Variants in SORT1 observed in about 807,000 individuals in gnomAD.
SORT1 encodes sortilin 1, also known as sortilin.
Under a neutral mutation model 101.7 loss-of-function variants are expected in SORT1, and 39 were observed. The ratio of observed to expected loss-of-function variants is 0.38; its 90% CI spans 0.30 to 0.50. The LOEUF is 0.50. Ranked by LOEUF, SORT1 falls within the 20% of genes least tolerant of loss-of-function variation. SORT1 has a pLI of 0.90. For missense variants in SORT1, 878 were observed against 1,040.4 expected (o/e 0.84, Z 2.15); for synonymous variants, 396 against 393.7 (o/e 1.01, Z -0.07).
intron 15 of SORT1, among the ~76,000 whole-genome samples, chr1:109,319,927 A>T (rs1254823346): frequency 6.6e-6 from 1 of 151,732 alleles, no homozygotes. Context: ...AGGCTCAATA[A>T]TCATCAAATT....
chr1:109,336,460 G>C, intron 10 of SORT1, 114 bp from the exon 11 acceptor site: 1 of 695,324 alleles, frequency 1.4e-6, no homozygotes, highest in Non-Finnish European at 2.6e-6. Flanking sequence ...AGTCCGACAA[G>C]CTTGTAACAC....
chr1:109,350,920 G>C lies in SORT1; in HGVS notation c.782+9C>G. 1 of 1,595,064 alleles carries C rather than the reference G, an allele frequency of 6.3e-7. No individual in the cohort carries two copies. The highest frequency in any genetic ancestry group is 8.6e-7 in the Non-Finnish European group (1 of 1,162,586). ...GGGCTCTGCACAGATGGAGTCTTCT[G>C]TTACTCACCATTTGGCCAAACATAC... On this transcript the variant is annotated intron_variant, in intron 6 of 19. Transcript: ENST00000256637.
chr1:109,342,167 G>C lies in SORT1; in HGVS notation c.964-9C>G. ...ATCCTTCTTGTTGTATCCTAGAACA[G>C]ATGTCAATATTTATCTTTCTAATTT... On this transcript the variant is annotated splice_polypyrimidine_tract_variant and intron_variant, in intron 8 of 19. Transcript: ENST00000256637. 1 of 1,600,270 alleles carries C rather than the reference G, an allele frequency of 6.2e-7. No individual in the cohort carries two copies. The highest frequency in any genetic ancestry group is 8.5e-7 in the Non-Finnish European group (1 of 1,170,910).
intron 15 of SORT1, among the ~76,000 whole-genome samples, chr1:109,320,597 G>A (rs1179808382): frequency 6.6e-6 from 1 of 152,108 alleles, no homozygotes; most frequent in African/African-American, 2.4e-5. Flanking sequence ...ATTTGTCAAC[G>A]CTCAGCTCTC....
intron 1 of SORT1, among the ~76,000 whole-genome samples, chr1:109,380,820 A>G (rs1652181675): frequency 6.8e-6 from 1 of 147,698 alleles, no homozygotes; most frequent in African/African-American, 2.5e-5. Flanking sequence ...CCACAAAAAA[A>G]AAAAAAAAAA....
intron 1 of SORT1, among the ~76,000 whole-genome samples, chr1:109,382,191 A>G (rs1350609773): frequency 6.6e-6 from 1 of 152,156 alleles, no homozygotes; most frequent in Non-Finnish European, 1.5e-5. Flanking sequence ...GCTGGAGTGC[A>G]ATGGCATGAT....
intron 8 of SORT1, 38 bp downstream of exon 8, chr1:109,345,713 G>A: frequency 2.6e-6 from 4 of 1,567,446 alleles, no homozygotes; most frequent in Non-Finnish European, 3.5e-6. Context: ...GATATTTGCA[G>A]AAATATCAGA....
chr1:109,362,855 G>A (rs1228412360), intron 3 of SORT1, among the ~76,000 whole-genome samples: 2 of 151,190 alleles, frequency 1.3e-5, no homozygotes, highest in African/African-American at 4.9e-5. Flanking sequence ...TCCCAACCTT[G>A]TAACTGAAAT....
chr1:109,397,551 G>A (rs1473928449), intron 1 of SORT1, 36 bp downstream of exon 1: 4 of 1,133,432 alleles, frequency 3.5e-6, no homozygotes, highest in Non-Finnish European at 4.3e-6. Flanking sequence ...GCGGCACCTC[G>A]CACCCGAGCG....
intron 17 of SORT1, 74 bp from the exon 18 acceptor site, chr1:109,314,852 AT>A: frequency 1.3e-6 from 1 of 751,364 alleles, no homozygotes; most frequent in Non-Finnish European, 2.3e-6. Context: ...GCAGCCACTC[AT>A]TCCCCTCATC....
chr1:109,366,096 T>C (rs1651071853), intron 3 of SORT1, among the ~76,000 whole-genome samples: 2 of 152,216 alleles, frequency 1.3e-5, no homozygotes. Flanking sequence ...ACATAAATGA[T>C]TGAGAAGACA....
At chr1:109,318,766 C>T (rs888753820) in intron 15 of SORT1, among the ~76,000 whole-genome samples, 1 of 152,168 alleles carries the variant, frequency 6.6e-6, no homozygotes, top group African/African-American at 2.4e-5. Context: ...GATCTTTCCG[C>T]TTCAGCCTCC....
At chr1:109,358,341 T>A (rs989302031) in intron 3 of SORT1, among the ~76,000 whole-genome samples, 2 of 152,176 alleles carry the variant, frequency 1.3e-5, no homozygotes, top group Non-Finnish European at 2.9e-5. Flanking sequence ...CTCAAACTCC[T>A]GGCCTCAAGC....
At chr1:109,388,423 T>A (rs951573370) in intron 1 of SORT1, among the ~76,000 whole-genome samples, 23 of 151,946 alleles carry the variant, frequency 1.5e-4, no homozygotes, top group African/African-American at 5.1e-4. Flanking sequence ...AATTTTTTTA[T>A]ACAGATGGGG....
chr1:109,352,856 C>T (rs1002551515), intron 5 of SORT1, among the ~76,000 whole-genome samples: 1 of 152,184 alleles, frequency 6.6e-6, no homozygotes, highest in Non-Finnish European at 1.5e-5. Flanking sequence ...AACCCTGAGA[C>T]ACTTGGTAAG....
intron 16 of SORT1, among the ~76,000 whole-genome samples, chr1:109,317,519 G>A (rs946463687): frequency 1.3e-5 from 2 of 152,190 alleles, no homozygotes; most frequent in South Asian, 2.1e-4. Context: ...CGTTCATGGC[G>A]GATGGGACGC....
chr1:109,318,096 AG>A (rs1171545719), intron 15 of SORT1, 127 bp from the exon 16 acceptor site: 3 of 609,772 alleles, frequency 4.9e-6, no homozygotes, highest in African/African-American at 3.7e-5. Context: ...AAAGTAGCTC[AG>A]GAAGTCCTGT....
At chr1:109,358,852 T>TA (rs745825760) in intron 3 of SORT1, among the ~76,000 whole-genome samples, 4,866 of 130,634 alleles carry the variant, frequency 0.037, 133 homozygotes, top group African/African-American at 0.081. Context: ...GACTCCGTCT[T>TA]AAAAAAAAAA....
rs1658832365 is a variant in SORT1 at position 109,313,296 on chromosome 1, C to T, written c.*747G>A. 6.5e-6 allele frequency: 1 copy of T among 152,718 alleles called. No individual in the cohort carries two copies. The highest frequency in any genetic ancestry group is 1.5e-5 in the Non-Finnish European group (1 of 68,102). The allele number at this position is 152,718 out of a possible 1,614,324, so 9.5% of individuals were successfully genotyped here. ...TAATAGGTGCTATATCTAGTCAATT[C>T]TCTGCTGCTCCCTTCTTCCTGCCCC... is the stretch of plus-strand genomic sequence containing the variant. On this transcript the variant is annotated 3_prime_UTR_variant, in exon 20 of 20. Transcript: ENST00000256637.
Sources: gnomAD v4.1 joint callset for allele counts (sites outside exome capture counted in the v4.1 genomes callset) on GRCh38, gnomAD v4.1.1 for gene constraint, MANE v1.5 for transcripts, NCBI Gene and HGNC (gene_info 2026-07-23, HGNC 2026-07-21) for gene names.